The following C10orf67 variants were observed in gnomAD, a reference collection of about 807,000 sequenced individuals.
C10orf67 encodes chromosome 10 open reading frame 67, also known as uncharacterized protein C10orf67, mitochondrial.
A neutral mutation model predicts 35.6 loss-of-function variants in C10orf67; 60 were observed. The observed-to-expected ratio is 1.68, with a 90% CI of 1.37 to 2.09. C10orf67 has a LOEUF of 2.09. C10orf67 is among the 30% of genes most tolerant of loss of function. The pLI, the probability that C10orf67 is intolerant of heterozygous loss-of-function variation, is 0.00. For missense variants in C10orf67, 474 were observed against 330.2 expected (o/e 1.44, Z -3.38); for synonymous variants, 167 against 115.8 (o/e 1.44, Z -2.84).
At chr10:23,270,014 C>A (rs912543265) in intron 8 of C10orf67, among the ~76,000 whole-genome samples, 2 of 152,162 alleles carry the variant, frequency 1.3e-5, no homozygotes, top group Non-Finnish European at 2.9e-5. Context: ...TAACACCCAA[C>A]AATGGCAGAA....
chr10:23,305,899 C>T (rs372511324), intron 4 of C10orf67, among the ~76,000 whole-genome samples: 1 of 152,004 alleles, frequency 6.6e-6, no homozygotes, highest in Non-Finnish European at 1.5e-5. Flanking sequence ...GCATTATTCA[C>T]AATAGCCAAG....
At chr10:23,249,465 C>T (rs1378042151) in intron 12 of C10orf67, among the ~76,000 whole-genome samples, 3 of 152,252 alleles carry the variant, frequency 2.0e-5, no homozygotes, top group Non-Finnish European at 2.9e-5. Flanking sequence ...ACACGAAACA[C>T]GGGTAGGAGA....
chr10:23,243,769 C>T (rs1189564895), intron 12 of C10orf67, among the ~76,000 whole-genome samples: 1 of 150,734 alleles, frequency 6.6e-6, no homozygotes, highest in Non-Finnish European at 1.5e-5. Flanking sequence ...ATAAAACAAA[C>T]ATGAAGACCA....
At chr10:23,273,869 G>T (rs138991554) in intron 8 of C10orf67, among the ~76,000 whole-genome samples, 120 of 152,328 alleles carry the variant, frequency 7.9e-4, no homozygotes, top group African/African-American at 2.3e-3. Context: ...CCACGTAGTT[G>T]TTTTTACTCT....
intron 8 of C10orf67, among the ~76,000 whole-genome samples, chr10:23,269,243 A>G (rs964457417): frequency 6.6e-6 from 1 of 152,216 alleles, no homozygotes; most frequent in African/African-American, 2.4e-5. Context: ...TGACAACTGT[A>G]ACATGATGAA....
intron 5 of C10orf67, among the ~76,000 whole-genome samples, chr10:23,299,373 C>G (rs1843996581): frequency 6.6e-6 from 1 of 152,102 alleles, no homozygotes; most frequent in African/African-American, 2.4e-5. Context: ...TTGAACAGGA[C>G]AGGCATTCTT....
intron 13 of C10orf67, among the ~76,000 whole-genome samples, chr10:23,224,662 C>A (rs1841684860): frequency 6.6e-6 from 1 of 152,082 alleles, no homozygotes; most frequent in Admixed American, 6.6e-5. Context: ...ACTAGAATAA[C>A]TAGTGTAGAG....
At chr10:23,278,710 G>A (rs985282409) in intron 8 of C10orf67, among the ~76,000 whole-genome samples, 2 of 152,228 alleles carry the variant, frequency 1.3e-5, no homozygotes, top group Non-Finnish European at 2.9e-5. Context: ...CCTGAAAGAT[G>A]AGAGGAGCTA....
At chr10:23,232,206 A>T (rs765242041) in intron 13 of C10orf67, among the ~76,000 whole-genome samples, 1 of 152,170 alleles carries the variant, frequency 6.6e-6, no homozygotes, top group Non-Finnish European at 1.5e-5. Context: ...GTTATTTAAC[A>T]GTTTGAAAAA....
At chr10:23,220,904 G>A in intron 15 of C10orf67, among the ~76,000 whole-genome samples, 1 of 152,244 alleles carries the variant, frequency 6.6e-6, no homozygotes, top group Middle Eastern at 3.4e-3. Flanking sequence ...TAACAGAAAC[G>A]ATAATATTCC....
intron 13 of C10orf67, among the ~76,000 whole-genome samples, chr10:23,225,475 A>C (rs1055262789): frequency 1.3e-5 from 2 of 152,320 alleles, no homozygotes; most frequent in South Asian, 2.1e-4. Context: ...CGAGCAAAAT[A>C]ACCAGCTAAC....
At chr10:23,285,741 C>G (rs1352084093) in intron 7 of C10orf67, among the ~76,000 whole-genome samples, 1 of 152,150 alleles carries the variant, frequency 6.6e-6, no homozygotes, top group Non-Finnish European at 1.5e-5. Flanking sequence ...TCCAAGTTAT[C>G]AAAAATATAC....
chr10:23,279,510 C>T (rs1843302247), intron 8 of C10orf67, among the ~76,000 whole-genome samples: 1 of 152,172 alleles, frequency 6.6e-6, no homozygotes, highest in African/African-American at 2.4e-5. Flanking sequence ...GTGCTGTGCC[C>T]CCAGAATGGG....
At chr10:23,283,022 T>A (rs143672114) in intron 7 of C10orf67, among the ~76,000 whole-genome samples, 1 of 151,986 alleles carries the variant, frequency 6.6e-6, no homozygotes, top group East Asian at 1.9e-4. Context: ...GTGACCATAG[T>A]CAATACTTTA....
intron 5 of C10orf67, among the ~76,000 whole-genome samples, chr10:23,292,467 C>T (rs12248355): frequency 0.075 from 11,464 of 152,080 alleles, 983 homozygotes; most frequent in African/African-American, 0.21. Flanking sequence ...TGAATTATAA[C>T]TTATTCTTTT....
At chr10:23,209,861 G>A (rs546894890) in intron 15 of C10orf67, among the ~76,000 whole-genome samples, 108 of 151,930 alleles carry the variant, frequency 7.1e-4, no homozygotes, top group African/African-American at 2.1e-3. Flanking sequence ...CTTACTGGGC[G>A]TGGTGGCGCA....
intron 2 of C10orf67, among the ~76,000 whole-genome samples, chr10:23,329,060 G>T (rs1364374862): frequency 1.3e-5 from 2 of 148,684 alleles, no homozygotes; most frequent in South Asian, 4.3e-4. Context: ...TAAACAGAAA[G>T]GAATAAGGAA....
chr10:23,336,526 A>AT (rs1270568656), intron 1 of C10orf67, among the ~76,000 whole-genome samples: 1 of 151,978 alleles, frequency 6.6e-6, no homozygotes, highest in East Asian at 1.9e-4. Flanking sequence ...GTTTCAGTAT[A>AT]TTTTTTGAGA....
intron 1 of C10orf67, among the ~76,000 whole-genome samples, chr10:23,335,499 A>G (rs1845646068): frequency 1.3e-5 from 2 of 152,222 alleles, no homozygotes; most frequent in South Asian, 2.1e-4. Context: ...GAACCTTCAT[A>G]CAACAGTAAG....
Sources: allele counts gnomAD v4.1 joint callset (sites outside exome capture counted in the v4.1 genomes callset), GRCh38; gene constraint gnomAD v4.1.1; transcripts MANE v1.5; gene names NCBI Gene and HGNC (gene_info 2026-07-23, HGNC 2026-07-21).